The following TMEM178B variants were observed in gnomAD, a reference collection of about 807,000 sequenced individuals.
TMEM178B encodes transmembrane protein 178B.
Under a neutral mutation model 31.0 loss-of-function variants are expected in TMEM178B, and 5 were observed. The observed-to-expected ratio is 0.16, with a 90% CI of 0.08 to 0.34. TMEM178B has a LOEUF of 0.34. TMEM178B is among the 10% of genes least tolerant of loss of function. TMEM178B has a pLI of 1.00. For missense variants in TMEM178B, 275 were observed against 400.3 expected (o/e 0.69, Z 2.67); for synonymous variants, 164 against 164.0 (o/e 1.00, Z 0.00).
At chr7:141,270,971 G>C (rs1166125219) in intron 2 of TMEM178B, among the ~76,000 whole-genome samples, 5 of 152,198 alleles carry the variant, frequency 3.3e-5, no homozygotes, top group African/African-American at 1.2e-4. Context: ...GGTAGTACTA[G>C]CTGACAGGCA....
chr7:141,088,722 G>A (rs542084509), intron 1 of TMEM178B, among the ~76,000 whole-genome samples: 67 of 152,140 alleles, frequency 4.4e-4, no homozygotes, highest in Non-Finnish European at 8.5e-4. Context: ...CCATAAATGT[G>A]TTCTTTTGAG....
At chr7:141,288,918 C>T (rs1563142157) in intron 2 of TMEM178B, among the ~76,000 whole-genome samples, 1 of 152,192 alleles carries the variant, frequency 6.6e-6, no homozygotes, top group African/African-American at 2.4e-5. Context: ...GACAGGTTCT[C>T]ATCCCTCTGG....
chr7:141,313,424 C>A (rs975737809), intron 2 of TMEM178B, among the ~76,000 whole-genome samples: 1 of 152,190 alleles, frequency 6.6e-6, no homozygotes, highest in Non-Finnish European at 1.5e-5. Flanking sequence ...CATGATCTGT[C>A]TCCTTTCCCT....
intron 1 of TMEM178B, among the ~76,000 whole-genome samples, chr7:141,195,717 A>C (rs1796771628): frequency 6.6e-6 from 1 of 152,180 alleles, no homozygotes; most frequent in Admixed American, 6.5e-5. Flanking sequence ...TTACTGTATT[A>C]GTTCATTTTC....
chr7:141,292,546 G>C (rs117514042), intron 2 of TMEM178B, among the ~76,000 whole-genome samples: 1 of 151,590 alleles, frequency 6.6e-6, no homozygotes, highest in South Asian at 2.1e-4. Context: ...CCATGTTCTC[G>C]CATCACTAAT....
At position 141,437,761 on chromosome 7, in the gene TMEM178B, C is replaced by T. The variant is rs780474229; in HGVS notation, c.634+16C>T. The T allele has an allele frequency of 1.6e-4, 244 of 1,535,806 alleles. No homozygotes were observed. Among genetic ancestry groups the T allele is most frequent in the Non-Finnish European group, 1.9e-4 (222 of 1,146,802 alleles). ...CTCATGGGAGGTAAGGCTACGGGCT[C>T]GGCTTGTGGGTGGCAGTGGACAGGG... On this transcript the variant is annotated intron_variant, in intron 3 of 3. Transcript: ENST00000565468.
intron 3 of TMEM178B, among the ~76,000 whole-genome samples, chr7:141,447,326 G>T (rs1301691247): frequency 6.6e-6 from 1 of 152,052 alleles, no homozygotes; most frequent in Admixed American, 6.5e-5. Flanking sequence ...TAGGGGGCAG[G>T]AAGCCATAAG....
intron 2 of TMEM178B, among the ~76,000 whole-genome samples, chr7:141,291,679 G>A (rs1042187020): frequency 1.3e-5 from 2 of 151,906 alleles, no homozygotes; most frequent in East Asian, 1.9e-4. Flanking sequence ...CCGATTGTAG[G>A]GTTTATTGAA....
chr7:141,317,267 T>G (rs1188035531), intron 2 of TMEM178B, among the ~76,000 whole-genome samples: 1 of 152,140 alleles, frequency 6.6e-6, no homozygotes, highest in East Asian at 1.9e-4. Context: ...GAGGGGACTT[T>G]TACTTTTTTC....
intron 2 of TMEM178B, among the ~76,000 whole-genome samples, chr7:141,243,039 T>TTAGC (rs1364529501): frequency 6.6e-6 from 1 of 152,234 alleles, no homozygotes; most frequent in East Asian, 1.9e-4. Context: ...TTTTGTGTGT[T>TTAGC]GGCTAGCTTT....
rs1245973708 is a variant in TMEM178B, at chr7:141,120,483, G to C, written c.382+45791G>C. Among the ~76,000 whole-genome samples the C allele has an allele frequency of 2.6e-5, 4 of 152,114 alleles. No homozygotes were observed. The East Asian group carries it at 7.7e-4, about 29-fold the overall frequency. On this transcript the variant is annotated intron_variant, in intron 1 of 3. Transcript: ENST00000565468. ...CAGAATATATATTAATAGGACACAA[G>C]CTTTTAAATCTAGTTTTATTTTTAT... is the stretch of plus-strand genomic sequence containing the variant.
chr7:141,128,217 C>T (rs1795537800), intron 1 of TMEM178B, among the ~76,000 whole-genome samples: 1 of 152,116 alleles, frequency 6.6e-6, no homozygotes, highest in African/African-American at 2.4e-5. Flanking sequence ...ATATCTAGAA[C>T]CTGAATACAG....
At chr7:141,202,979 G>C (rs1460652656) in intron 1 of TMEM178B, among the ~76,000 whole-genome samples, 1 of 152,160 alleles carries the variant, frequency 6.6e-6, no homozygotes, top group Non-Finnish European at 1.5e-5. Context: ...TTTCATCACC[G>C]ACCAAGTTTC....
chr7:141,236,456 G>A (rs1407260097), intron 2 of TMEM178B, among the ~76,000 whole-genome samples: 2 of 152,172 alleles, frequency 1.3e-5, no homozygotes, highest in African/African-American at 4.8e-5. Flanking sequence ...GGTAAGCAGG[G>A]GCACTGGGGC....
At chr7:141,362,807 G>T (rs1011048223) in intron 2 of TMEM178B, among the ~76,000 whole-genome samples, 3 of 152,180 alleles carry the variant, frequency 2.0e-5, no homozygotes, top group Non-Finnish European at 2.9e-5. Context: ...AGTTACAGGA[G>T]AAGTGGAAAG....
intron 2 of TMEM178B, among the ~76,000 whole-genome samples, chr7:141,367,590 T>G (rs1033368540): frequency 6.6e-6 from 1 of 152,164 alleles, no homozygotes; most frequent in Non-Finnish European, 1.5e-5. Context: ...GAGCTCCTGT[T>G]AGGACCCAGG....
At chr7:141,393,666 T>A (rs1429558660) in intron 2 of TMEM178B, among the ~76,000 whole-genome samples, 2 of 152,204 alleles carry the variant, frequency 1.3e-5, no homozygotes, top group African/African-American at 4.8e-5. Context: ...TTGTTAGAAA[T>A]CTCTTGCAAA....
rs66723569 is a variant in TMEM178B at position 141,242,477 on chromosome 7, A to AGTGTGTGT, written c.496+29798_496+29805dup. Among the ~76,000 whole-genome samples the AGTGTGTGT allele has an allele frequency of 2.9e-3, 402 of 140,524 alleles. 1 individual carries two copies. The highest frequency in any genetic ancestry group is 5.0e-3 in the Non-Finnish European group (324 of 64,540). 92.2% of individuals were successfully genotyped at this position (140,524 alleles called of 152,430 possible). A position where few individuals can be genotyped will look rare whatever the true frequency, so the allele number is the denominator to read the frequency against. ...TGTGGCTATTTTCACACTTTGTGTG[A>AGTGTGTGT]GTGTGTGTGTGTGTGTGTGTGTGTG... On this transcript the variant is annotated intron_variant, in intron 2 of 3. Transcript: ENST00000565468.
At chr7:141,138,275 AT>A (rs1563097508) in intron 1 of TMEM178B, among the ~76,000 whole-genome samples, 7 of 151,920 alleles carry the variant, frequency 4.6e-5, no homozygotes, top group Non-Finnish European at 8.8e-5. Context: ...GTTAGCCAGG[AT>A]GGTCTCGATC....
Sources: gnomAD v4.1 joint callset for allele counts (sites outside exome capture counted in the v4.1 genomes callset) on GRCh38, gnomAD v4.1.1 for gene constraint, MANE v1.5 for transcripts, NCBI Gene and HGNC (gene_info 2026-07-23, HGNC 2026-07-21) for gene names.